CFAP20DC: variants seen among roughly 807,000 people sequenced by gnomAD.
The protein encoded by CFAP20DC is CFAP20 domain containing.
A neutral mutation model predicts 101.7 loss-of-function variants in CFAP20DC; 84 were observed. The ratio of observed to expected loss-of-function variants is 0.83; its 90% CI spans 0.69 to 0.99. The LOEUF (loss-of-function observed/expected upper bound fraction) is 0.99, where lower values mean the gene tolerates loss of function less well. CFAP20DC is among the 50% of genes least tolerant of loss of function. CFAP20DC has a pLI of 0.00. For missense variants in CFAP20DC, 1,007 were observed against 970.3 expected (o/e 1.04, Z -0.50); for synonymous variants, 359 against 351.2 (o/e 1.02, Z -0.25).
At chr3:58,755,627 A>C (rs1403704038) in intron 15 of CFAP20DC, among the ~76,000 whole-genome samples, 1 of 152,208 alleles carries the variant, frequency 6.6e-6, no homozygotes, top group South Asian at 2.1e-4. Context: ...AATTTGATCA[A>C]TGTTTTTCCT....
In CFAP20DC at chr3:58,971,462, C is replaced by A. The variant is rs1337134520; in HGVS notation, c.279-33700G>T. 6.6e-6 allele frequency among the ~76,000 whole-genome samples: 1 copy of A among 152,096 alleles called. No homozygotes were observed. The highest frequency in any genetic ancestry group is 1.5e-5 in the Non-Finnish European group (1 of 68,024). On this transcript the variant is annotated intron_variant, in intron 4 of 16. Coordinates refer to ENST00000482387, the MANE Select transcript of CFAP20DC (RefSeq NM_001394063.1). The surrounding 1 kb of genome is among the most constrained non-coding windows in gnomAD (Gnocchi z 4.1). ...TTCTATCCTTCCTCACCTATGCTCT[C>A]CAGAATGTATCACTATAATTGCAGA...
chr3:58,790,404 A>G (rs1038655927), intron 15 of CFAP20DC, among the ~76,000 whole-genome samples: 2 of 152,230 alleles, frequency 1.3e-5, no homozygotes, highest in Non-Finnish European at 1.5e-5. Flanking sequence ...CTAAATGGGA[A>G]CAGGCATTCC....
At chr3:58,921,382 T>G (rs1002927803) in intron 5 of CFAP20DC, among the ~76,000 whole-genome samples, 11 of 152,114 alleles carry the variant, frequency 7.2e-5, no homozygotes, top group East Asian at 3.8e-4. Flanking sequence ...AGCTATAAAT[T>G]TCCCTTTAGG....
chr3:58,880,284 T>C (rs2081134888), intron 7 of CFAP20DC, among the ~76,000 whole-genome samples: 1 of 152,204 alleles, frequency 6.6e-6, no homozygotes, highest in South Asian at 2.1e-4. Context: ...TAGGTAACTA[T>C]CTTTTTTATT....
At chr3:58,857,185 T>C (rs1190425662) in intron 12 of CFAP20DC, among the ~76,000 whole-genome samples, 1 of 152,198 alleles carries the variant, frequency 6.6e-6, no homozygotes, top group Admixed American at 6.5e-5. Flanking sequence ...GTAAATGTCA[T>C]TTTAGGAATT....
chr3:59,038,815 T>C (rs2094148310), intron 4 of CFAP20DC, among the ~76,000 whole-genome samples: 2 of 152,062 alleles, frequency 1.3e-5, no homozygotes, highest in African/African-American at 2.4e-5. Flanking sequence ...AGAATCATCT[T>C]CCTTAATAAG....
At chr3:58,761,309 T>C (rs1306867524) in intron 15 of CFAP20DC, among the ~76,000 whole-genome samples, 7 of 152,236 alleles carry the variant, frequency 4.6e-5, no homozygotes, top group Non-Finnish European at 7.3e-5. Flanking sequence ...CTAGATTTTC[T>C]AGTTTATTTG....
chr3:58,962,849 C>T (rs1407306691), intron 4 of CFAP20DC, among the ~76,000 whole-genome samples: 1 of 152,018 alleles, frequency 6.6e-6, no homozygotes, highest in Non-Finnish European at 1.5e-5. Flanking sequence ...TTCCTGACCC[C>T]CAGGGATACG....
intron 15 of CFAP20DC, among the ~76,000 whole-genome samples, chr3:58,762,691 A>C (rs2069764870): frequency 6.6e-6 from 1 of 152,026 alleles, no homozygotes; most frequent in Non-Finnish European, 1.5e-5. Flanking sequence ...GTTCCTTTCC[A>C]TGTTTAGTGC....
At chr3:58,739,205 T>C (rs2067826226), downstream of CFAP20DC, among the ~76,000 whole-genome samples, 1 of 152,204 alleles carries the variant, frequency 6.6e-6, no homozygotes, top group African/African-American at 2.4e-5. Context: ...GGAAACTAAA[T>C]CATTGATCTG....
intron 15 of CFAP20DC, among the ~76,000 whole-genome samples, chr3:58,762,248 T>C (rs1301969399): frequency 6.6e-6 from 1 of 152,208 alleles, no homozygotes; most frequent in Non-Finnish European, 1.5e-5. Flanking sequence ...ATATTTAGGA[T>C]AGTTAGCTCT....
intron 13 of CFAP20DC, among the ~76,000 whole-genome samples, chr3:58,836,006 C>G (rs1363001138): frequency 6.6e-6 from 1 of 152,122 alleles, no homozygotes; most frequent in African/African-American, 2.4e-5. Flanking sequence ...TCAGATTTGT[C>G]CTAGGAACGA....
chr3:58,725,172 T>A (rs1013366484), intron 3 of CFAP20DC, among the ~76,000 whole-genome samples: 1 of 152,186 alleles, frequency 6.6e-6, no homozygotes, highest in Non-Finnish European at 1.5e-5. Context: ...TTCTACCATG[T>A]CCTTTATGTG....
chr3:58,878,637 AGAG>A (rs773857040), intron 7 of CFAP20DC, among the ~76,000 whole-genome samples: 1 of 152,204 alleles, frequency 6.6e-6, no homozygotes, highest in Non-Finnish European at 1.5e-5. Context: ...CAAGAGAAGA[AGAG>A]AAGAAAGCTT....
At chr3:58,822,339 A>ACAAG (rs55983233) in intron 14 of CFAP20DC, among the ~76,000 whole-genome samples, 7 of 139,272 alleles carry the variant, frequency 5.0e-5, no homozygotes, top group Non-Finnish European at 1.6e-5. Context: ...AAACAAACAA[A>ACAAG]AAAAACCAAA....
chr3:59,021,973 A>G (rs561475846), intron 4 of CFAP20DC, among the ~76,000 whole-genome samples: 1 of 152,174 alleles, frequency 6.6e-6, no homozygotes, highest in Non-Finnish European at 1.5e-5. Context: ...TCAAATGATC[A>G]TTAAAATAAG....
chr3:59,030,726 C>T (rs2093975159), intron 4 of CFAP20DC, among the ~76,000 whole-genome samples: 1 of 152,224 alleles, frequency 6.6e-6, no homozygotes, highest in Non-Finnish European at 1.5e-5. Context: ...ATCAGGTTGA[C>T]TCAGATATCA....
At chr3:58,935,795 C>T (rs1344198226) in intron 5 of CFAP20DC, among the ~76,000 whole-genome samples, 3 of 152,124 alleles carry the variant, frequency 2.0e-5, no homozygotes, top group Non-Finnish European at 4.4e-5. Flanking sequence ...AAGACTTAAA[C>T]GTTAGATCTA....
At chr3:59,045,941 G>A (rs1699821762) in intron 3 of CFAP20DC, among the ~76,000 whole-genome samples, 1 of 152,028 alleles carries the variant, frequency 6.6e-6, no homozygotes, top group African/African-American at 2.4e-5. Flanking sequence ...CACATAGTAA[G>A]TGCTCAATAA....
Sources: gnomAD v4.1 joint callset for allele counts (sites outside exome capture counted in the v4.1 genomes callset) on GRCh38, gnomAD v4.1.1 for gene constraint, Gnocchi (gnomAD v3.1) non-coding constraint, MANE v1.5 for transcripts, NCBI Gene and HGNC (gene_info 2026-07-23, HGNC 2026-07-21) for gene names.